The following MAPK10 variants were observed in gnomAD, a reference collection of about 807,000 sequenced individuals.
MAPK10 encodes JNK3 alpha protein kinase.
In MAPK10, 25 loss-of-function variants were observed where a neutral mutation model predicts 59.3. That is an observed-to-expected ratio of 0.42 (90% CI 0.31 to 0.59). MAPK10 has a LOEUF of 0.59. Ranked by LOEUF, MAPK10 falls within the 20% of genes least tolerant of loss-of-function variation. MAPK10 has a pLI of 0.15. For synonymous variants in MAPK10, 190 were observed against 200.5 expected (o/e 0.95, Z 0.44); for missense variants, 351 against 568.9 (o/e 0.62, Z 3.90).
At chr4:86,365,103 A>G (rs537686033) in intron 1 of MAPK10, among the ~76,000 whole-genome samples, 1 of 152,282 alleles carries the variant, frequency 6.6e-6, no homozygotes, top group Admixed American at 6.5e-5. Flanking sequence ...ACTTACTTTC[A>G]TTTGGCACTT....
At chr4:86,402,022 T>G (rs1479050757) in intron 1 of MAPK10, among the ~76,000 whole-genome samples, 2 of 152,118 alleles carry the variant, frequency 1.3e-5, no homozygotes, top group African/African-American at 2.4e-5. Context: ...CCCCCAGCCA[T>G]AGTAATTACT....
intron 4 of MAPK10, among the ~76,000 whole-genome samples, chr4:86,123,395 T>G (rs572057206): frequency 6.6e-6 from 1 of 152,234 alleles, no homozygotes; most frequent in East Asian, 1.9e-4. Flanking sequence ...CTGATTTCAT[T>G]TCCTTTGGAT....
chr4:86,479,967 C>A (rs1753460428), intron 1 of MAPK10, among the ~76,000 whole-genome samples: 1 of 152,112 alleles, frequency 6.6e-6, no homozygotes, highest in African/African-American at 2.4e-5. Context: ...AGAAACATCG[C>A]CCATTATCTC....
chr4:86,311,831 A>G (rs11726269), intron 2 of MAPK10, among the ~76,000 whole-genome samples: 10,433 of 152,174 alleles, frequency 0.069, 463 homozygotes, highest in Middle Eastern at 0.1. Flanking sequence ...AAATCACTGT[A>G]TTTCATAAGA....
chr4:86,317,631 T>G (rs931533406), intron 2 of MAPK10, among the ~76,000 whole-genome samples: 21 of 152,180 alleles, frequency 1.4e-4, no homozygotes, highest in Non-Finnish European at 2.2e-4. Context: ...TCTAACATAT[T>G]AATTCTAACA....
intron 1 of MAPK10, among the ~76,000 whole-genome samples, chr4:86,399,113 A>G (rs748680959): frequency 5.3e-5 from 8 of 152,212 alleles, no homozygotes; most frequent in Non-Finnish European, 1.5e-5. Flanking sequence ...TCTTTTGGAT[A>G]CATATCCAGT....
chr4:86,165,543 ATTTTTTTTTTTTTTTTTTTTTTTTTT>A (rs10525325), intron 3 of MAPK10, among the ~76,000 whole-genome samples: 1 of 57,264 alleles, frequency 1.7e-5, no homozygotes, highest in Non-Finnish European at 3.7e-5. Flanking sequence ...CTCCCAGATA[ATTTTTTTTTTTTTTTTTTTTTTTTTT>A]TTTTTTTTTT....
At chr4:86,135,668 C>T (rs191614233) in intron 4 of MAPK10, among the ~76,000 whole-genome samples, 3,508 of 152,106 alleles carry the variant, frequency 0.023, 135 homozygotes, top group African/African-American at 0.079. Flanking sequence ...TCACCAGCAA[C>T]GGAACAAAGC....
At chr4:86,141,772 T>G (rs937633004) in intron 4 of MAPK10, among the ~76,000 whole-genome samples, 1 of 152,208 alleles carries the variant, frequency 6.6e-6, no homozygotes, top group Non-Finnish European at 1.5e-5. Context: ...ATTACTAATA[T>G]GTATGACAGT....
intron 2 of MAPK10, among the ~76,000 whole-genome samples, chr4:86,224,966 G>A (rs558719643): frequency 2.0e-5 from 3 of 152,282 alleles, no homozygotes; most frequent in African/African-American, 7.2e-5. Flanking sequence ...CAGATGTTTA[G>A]TTGGCCCAAA....
At chr4:86,328,653 G>A (rs558476547) in intron 2 of MAPK10, among the ~76,000 whole-genome samples, 174 of 152,176 alleles carry the variant, frequency 1.1e-3, no homozygotes, top group African/African-American at 3.4e-3. Flanking sequence ...CATATACACC[G>A]TAGAATACTA....
chr4:86,419,096 AAGAACTTATT>A (rs1746192969), intron 1 of MAPK10, among the ~76,000 whole-genome samples: 2 of 152,184 alleles, frequency 1.3e-5, no homozygotes, highest in Admixed American at 1.3e-4. Flanking sequence ...ATCACCACTA[AAGAACTTATT>A]CATGTAACCA....
At chr4:86,268,898 G>A (rs58779715) in intron 2 of MAPK10, among the ~76,000 whole-genome samples, 1 of 152,042 alleles carries the variant, frequency 6.6e-6, no homozygotes, top group Non-Finnish European at 1.5e-5. Flanking sequence ...CACTCTCTCA[G>A]CAGTAAAATA....
chr4:86,469,112 G>A (rs947397290), intron 1 of MAPK10, among the ~76,000 whole-genome samples: 10 of 152,028 alleles, frequency 6.6e-5, no homozygotes, highest in African/African-American at 2.4e-4. Flanking sequence ...TGGCATAGAA[G>A]GTTTCCACAT....
intron 1 of MAPK10, among the ~76,000 whole-genome samples, chr4:86,476,390 T>C (rs1395935471): frequency 6.6e-6 from 1 of 152,202 alleles, no homozygotes; most frequent in Non-Finnish European, 1.5e-5. Context: ...AAAAGGTGGC[T>C]GGAGCTAAAG....
At chr4:86,380,859 T>TAAA (rs35581530) in intron 1 of MAPK10, among the ~76,000 whole-genome samples, 39,637 of 136,802 alleles carry the variant, frequency 0.29, 6,623 homozygotes, top group Non-Finnish European at 0.37. Context: ...TGGAAAGCAT[T>TAAA]AAAAAAAAAA....
chr4:86,176,175 C>T (rs1933405561), intron 3 of MAPK10: 1 of 152,060 alleles, frequency 6.6e-6, no homozygotes, highest in Admixed American at 6.6e-5. Flanking sequence ...TTTCAAAAGT[C>T]TCCTATCAGA....
intron 12 of MAPK10, among the ~76,000 whole-genome samples, chr4:86,029,648 T>G (rs1202305264): frequency 6.6e-6 from 1 of 152,200 alleles, no homozygotes; most frequent in East Asian, 1.9e-4. Flanking sequence ...TTTACTTGTT[T>G]TCTGAATTCT....
intron 1 of MAPK10, among the ~76,000 whole-genome samples, chr4:86,550,929 G>C (rs1163174665): frequency 6.6e-6 from 1 of 152,156 alleles, no homozygotes; most frequent in Non-Finnish European, 1.5e-5. Context: ...TTGAACATTG[G>C]TAATAAATGC....
Sources: gnomAD v4.1 joint callset for allele counts (sites outside exome capture counted in the v4.1 genomes callset) on GRCh38, gnomAD v4.1.1 for gene constraint, MANE v1.5 for transcripts, NCBI Gene and HGNC (gene_info 2026-07-23, HGNC 2026-07-21) for gene names.